TMED3: variants seen among roughly 807,000 people sequenced by gnomAD.
TMED3 encodes transmembrane emp24 domain-containing protein 3.
Under a neutral mutation model 15.0 loss-of-function variants are expected in TMED3, and 9 were observed. The observed-to-expected ratio is 0.60, with a 90% confidence interval of 0.36 to 1.04. The LOEUF is 1.04. Ranked by LOEUF, TMED3 falls within the 50% of genes least tolerant of loss-of-function variation. The pLI, the probability that TMED3 is intolerant of heterozygous loss-of-function variation, is 0.01. For synonymous variants in TMED3, 117 were observed against 121.4 expected, an observed-to-expected ratio of 0.96 and a Z score of 0.24; for missense variants, 267 against 278.9, an observed-to-expected ratio of 0.96 and a Z score of 0.30.
chr15:79,375,558 A>G (rs1306404223), intron 2 of TMED3, among the ~76,000 whole-genome samples: 1 of 152,168 alleles, frequency 6.6e-6, no homozygotes, highest in Non-Finnish European at 1.5e-5. Context: ...GGCCTCAGGA[A>G]GTTACCATTC....
At chr15:79,391,929 A>G (rs1893700833) in intron 2 of TMED3, among the ~76,000 whole-genome samples, 1 of 152,128 alleles carries the variant, frequency 6.6e-6, no homozygotes, top group Admixed American at 6.5e-5. Context: ...GTCCATTTGC[A>G]TGAAATGCCT....
At chr15:79,359,823 A>G (rs1406671361) in intron 2 of TMED3, among the ~76,000 whole-genome samples, 2 of 152,186 alleles carry the variant, frequency 1.3e-5, no homozygotes, top group African/African-American at 2.4e-5. Flanking sequence ...ACATGCCTGG[A>G]ATAGCGAAAG....
Position 79,311,213 on chromosome 15 carries a change from C to T in TMED3, c.-37C>T, listed in dbSNP as rs766631323. The T allele has an allele frequency of 6.4e-7, 1 of 1,560,588 alleles. No homozygotes were observed. Among genetic ancestry groups the T allele is most frequent in the Non-Finnish European group, 8.6e-7 (1 of 1,159,408 alleles). ...GCCCCAGCCCGCCGGGGGCGCAGCG[C>T]CCGAGCCGCGGCCCTCGAGACGGGA... On this transcript the variant is annotated 5_prime_UTR_variant, in exon 1 of 3. Transcript: ENST00000299705.
intron 2 of TMED3, among the ~76,000 whole-genome samples, chr15:79,375,784 A>G (rs28650450): frequency 0.34 from 51,268 of 151,974 alleles, 8,811 homozygotes; most frequent in East Asian, 0.54. Context: ...CCACTCCACC[A>G]CTGGGGATTA....
rs1372443140 is a variant in TMED3, at chr15:79,379,181, G to A, written c.418-32219G>A. ...CACCATATTTAATCAATAAGAGTGG[G>A]GAAAATTAAAATTTTACTTTCAGTA... On this transcript the variant is annotated intron_variant, in intron 2 of 2. Transcript: ENST00000424155. Among the ~76,000 whole-genome samples the A allele has an allele frequency of 2.0e-5, 3 of 152,148 alleles. No homozygotes were observed. The East Asian group carries it at 5.8e-4, about 29-fold the overall frequency.
downstream of TMED3, among the ~76,000 whole-genome samples, chr15:79,325,316 G>T (rs2058783430): frequency 6.6e-6 from 1 of 152,176 alleles, no homozygotes; most frequent in South Asian, 2.1e-4. Context: ...TTGTGGTGCT[G>T]ATTCTGAACC....
At chr15:79,360,363 G>A (rs1893099904) in intron 2 of TMED3, among the ~76,000 whole-genome samples, 1 of 152,188 alleles carries the variant, frequency 6.6e-6, no homozygotes, top group African/African-American at 2.4e-5. Context: ...ATGCCATCGA[G>A]GAACCAGGGG....
At chr15:79,359,019 G>A (rs1320100918) in intron 2 of TMED3, among the ~76,000 whole-genome samples, 1 of 152,134 alleles carries the variant, frequency 6.6e-6, no homozygotes, top group Admixed American at 6.5e-5. Context: ...ACAAGAGAGA[G>A]TGCAGCAGCA....
At chr15:79,395,629 AT>A (rs917220066) in intron 2 of TMED3, among the ~76,000 whole-genome samples, 5 of 152,220 alleles carry the variant, frequency 3.3e-5, no homozygotes, top group African/African-American at 9.6e-5. Flanking sequence ...ATTATTTAGA[AT>A]TTTAGTTTGC....
At chr15:79,385,535 G>A (rs1015561677) in intron 2 of TMED3, among the ~76,000 whole-genome samples, 2 of 152,018 alleles carry the variant, frequency 1.3e-5, no homozygotes, top group Non-Finnish European at 2.9e-5. Context: ...ATCCCACCCT[G>A]CTGGAAGGAG....
intron 2 of TMED3, among the ~76,000 whole-genome samples, chr15:79,392,356 T>C (rs1411606139): frequency 2.0e-5 from 3 of 152,204 alleles, no homozygotes; most frequent in African/African-American, 2.4e-5. Flanking sequence ...CTTTCCTTCA[T>C]ATATGATGCT....
intron 2 of TMED3, among the ~76,000 whole-genome samples, chr15:79,396,003 C>T (rs1893757627): frequency 6.6e-6 from 1 of 152,198 alleles, no homozygotes; most frequent in African/African-American, 2.4e-5. Context: ...TTTGATAATG[C>T]TTCAATTCAG....
intron 2 of TMED3, among the ~76,000 whole-genome samples, chr15:79,400,066 T>TC (rs1893813871): frequency 6.6e-6 from 1 of 151,966 alleles, no homozygotes; most frequent in African/African-American, 2.4e-5. Flanking sequence ...GCTTCTGCCT[T>TC]TCTCTCCAGC....
At chr15:79,327,060 T>A (rs547893869), downstream of TMED3, among the ~76,000 whole-genome samples, 12 of 152,196 alleles carry the variant, frequency 7.9e-5, no homozygotes, top group African/African-American at 2.9e-4. Flanking sequence ...TGGGAACTAA[T>A]AGAGTAAGAG....
intron 2 of TMED3, among the ~76,000 whole-genome samples, chr15:79,357,524 C>CTT (rs76929710): frequency 0.14 from 18,495 of 130,376 alleles, 1,268 homozygotes; most frequent in Middle Eastern, 0.19. Flanking sequence ...AGAATTTAAA[C>CTT]TTTTTTTTTT....
intron 2 of TMED3, among the ~76,000 whole-genome samples, chr15:79,372,986 G>T (rs1290573321): frequency 6.6e-6 from 1 of 152,088 alleles, no homozygotes; most frequent in African/African-American, 2.4e-5. Flanking sequence ...ACAATTTTTT[G>T]ATTTATCTGT....
intron 2 of TMED3, among the ~76,000 whole-genome samples, chr15:79,342,962 A>C (rs1402800982): frequency 1.3e-5 from 2 of 152,206 alleles, no homozygotes; most frequent in Non-Finnish European, 2.9e-5. Flanking sequence ...GAGTGAGAAT[A>C]GGTATTACTG....
intron 2 of TMED3, among the ~76,000 whole-genome samples, chr15:79,344,125 GAGA>G (rs2141230234): frequency 6.6e-6 from 1 of 152,132 alleles, no homozygotes; most frequent in South Asian, 2.1e-4. Context: ...TATAGAAGTT[GAGA>G]AGAAGAGAAG....
downstream of TMED3, among the ~76,000 whole-genome samples, chr15:79,326,714 G>GATGGGGC (rs1414723229): frequency 2.6e-5 from 4 of 152,202 alleles, no homozygotes; most frequent in African/African-American, 9.7e-5. Flanking sequence ...CCCACAAGGT[G>GATGGGGC]ATGGTATTAG....
Sources: allele counts gnomAD v4.1 joint callset (sites outside exome capture counted in the v4.1 genomes callset), GRCh38; gene constraint gnomAD v4.1.1; transcripts MANE v1.5; gene names NCBI Gene and HGNC (gene_info 2026-07-23, HGNC 2026-07-21).